Variants in PRMT2 observed in about 807,000 individuals in gnomAD.
PRMT2 encodes protein arginine N-methyltransferase 2.
PRMT2 carries 26 observed loss-of-function variants against 57.6 expected under a neutral mutation model. The observed-to-expected ratio is 0.45, with a 90% confidence interval of 0.33 to 0.63. The LOEUF is 0.63. PRMT2 is among the 20% of genes least tolerant of loss of function. The pLI is 0.02. For missense variants in PRMT2, 472 were observed against 564.4 expected, an observed-to-expected ratio of 0.84 and a Z score of 1.66; for synonymous variants, 219 against 220.0, an observed-to-expected ratio of 1.00 and a Z score of 0.04.
chr21:46,654,913 C>T (rs1351236075), intron 7 of PRMT2: 1 of 984,384 alleles, frequency 1.0e-6, no homozygotes, highest in African/African-American at 1.7e-5. Flanking sequence ...TCTTCTCCCT[C>T]TATGTATGTA....
chr21:46,659,137 A>C, intron 8 of PRMT2: 1 of 1,273,722 alleles, frequency 7.9e-7, no homozygotes, highest in Non-Finnish European at 9.9e-7. Flanking sequence ...GCAAGGAACA[A>C]AAATTTTCGT....
chr21:46,654,970 A>G (rs1213345569), intron 7 of PRMT2: 4 of 966,328 alleles, frequency 4.1e-6, no homozygotes, highest in African/African-American at 3.5e-5. Flanking sequence ...GGTCCATGAA[A>G]TGGACCAATT....
intron 7 of PRMT2, chr21:46,653,227 A>G: frequency 1.0e-6 from 1 of 985,404 alleles, no homozygotes; most frequent in Non-Finnish European, 1.2e-6. Flanking sequence ...TTCTCTTCAC[A>G]CAGCCTTGTA....
intron 11 of PRMT2, 81 bp from the exon 12 acceptor site, chr21:46,664,213 CA>C: frequency 1.6e-6 from 2 of 1,244,272 alleles, no homozygotes; most frequent in Non-Finnish European, 2.4e-6. Context: ...TTCTCTTGTC[CA>C]ATATTAAACC....
At chr21:46,640,595 C>T (rs1014728372) in intron 3 of PRMT2, among the ~76,000 whole-genome samples, 7 of 151,946 alleles carry the variant, frequency 4.6e-5, no homozygotes, top group African/African-American at 1.7e-4. Flanking sequence ...GTGACCACCA[C>T]CACGCCCGGC....
Position 46,664,639 on chromosome 21 carries a change from C to A in PRMT2, c.*312C>A. 3 of 469,896 alleles carry A rather than the reference C, an allele frequency of 6.4e-6. No homozygotes were observed. The South Asian group carries it at 7.0e-5, about 11-fold the overall frequency. The allele number at this position is 469,896 out of a possible 1,614,324, so 29.1% of individuals were successfully genotyped here. ...TGGGTCGGAGCTCCATGTTCCTAAGCTAGGTCTAGGTCTACACTCCTAGGA... is the reference window on the plus strand; with the variant it reads ...TGGGTCGGAGCTCCATGTTCCTAAGATAGGTCTAGGTCTACACTCCTAGGA... On this transcript the variant is annotated 3_prime_UTR_variant, in exon 12 of 12. Transcript: ENST00000355680.
chr21:46,640,502 T>C (rs1052519644), intron 3 of PRMT2, among the ~76,000 whole-genome samples: 9 of 149,772 alleles, frequency 6.0e-5, no homozygotes, highest in Admixed American at 1.3e-4. Flanking sequence ...AGTGCAGTGA[T>C]GCGATCTCGG....
intron 5 of PRMT2, among the ~76,000 whole-genome samples, chr21:46,645,343 G>A (rs2061348067): frequency 4.2e-3 from 1 of 236 alleles, no homozygotes; most frequent in African/African-American, 0.022. Flanking sequence ...GCTCATGCCT[G>A]TAATCACAGG....
chr21:46,641,729 G>A (rs1216592570), intron 3 of PRMT2, among the ~76,000 whole-genome samples: 1 of 149,386 alleles, frequency 6.7e-6, no homozygotes, highest in African/African-American at 2.4e-5. Flanking sequence ...CTGTGTGTGT[G>A]TGTGTGTGTG....
intron 7 of PRMT2, chr21:46,651,850 G>T (rs552985315): frequency 4.3e-6 from 7 of 1,612,836 alleles, no homozygotes; most frequent in African/African-American, 1.3e-5. Context: ...GCACCTGTGC[G>T]TCTGGCCCTC....
chr21:46,652,307 C>T (rs757532924), intron 7 of PRMT2: 2 of 1,255,502 alleles, frequency 1.6e-6, no homozygotes, highest in Non-Finnish European at 2.0e-6. Flanking sequence ...AAATAAAATA[C>T]TTGACAAAAA....
chr21:46,656,223 C>T (rs887871225), intron 7 of PRMT2, among the ~76,000 whole-genome samples: 2 of 152,148 alleles, frequency 1.3e-5, no homozygotes, highest in Non-Finnish European at 1.5e-5. Flanking sequence ...GTGCCAGCTC[C>T]CCTTTGCTTT....
chr21:46,653,768 TCATA>T (rs961499126), intron 7 of PRMT2: 21 of 1,153,710 alleles, frequency 1.8e-5, no homozygotes, highest in Non-Finnish European at 2.2e-5. Flanking sequence ...AAAGCTTGCC[TCATA>T]CAAAGTACAG....
chr21:46,649,976 G>A lies in PRMT2; in HGVS notation c.654+237G>A. 1 of 1,431,460 alleles carries A rather than the reference G, an allele frequency of 7.0e-7. No individual in the cohort carries two copies. The highest frequency in any genetic ancestry group is 9.2e-7 in the Non-Finnish European group (1 of 1,090,070). 88.7% of individuals were successfully genotyped at this position (1,431,460 alleles called of 1,614,324 possible). A position where few individuals can be genotyped will look rare whatever the true frequency, so the allele number is the denominator to read the frequency against. Reference sequence around the variant, plus strand: ...CAAAGTTCATGTAACATTTTCATGAGTGATTTACATGAACTGTGTTCTCCT... The same window carrying A: ...CAAAGTTCATGTAACATTTTCATGAATGATTTACATGAACTGTGTTCTCCT... On this transcript the variant is annotated intron_variant, in intron 7 of 11. Transcript: ENST00000355680. The surrounding 1 kb of genome is among the most constrained non-coding windows in gnomAD (Gnocchi z 4.8).
chr21:46,659,140 AT>A (rs2061583470), intron 8 of PRMT2: 10 of 1,267,346 alleles, frequency 7.9e-6, no homozygotes, highest in Non-Finnish European at 9.9e-6. Context: ...AGGAACAAAA[AT>A]TTTCGTATGT....
At chr21:46,661,119 T>C (rs1189545109) in intron 9 of PRMT2, 157 bp downstream of exon 9, 1 of 745,928 alleles carries the variant, frequency 1.3e-6, no homozygotes. Flanking sequence ...ATAAAACGTT[T>C]GCTACTGATT....
chr21:46,649,979 A>T lies in PRMT2; in HGVS notation c.654+240A>T. 7.0e-7 allele frequency: 1 copy of T among 1,429,134 alleles called. No homozygotes were observed. Among genetic ancestry groups the T allele is most frequent in the Non-Finnish European group, 9.2e-7 (1 of 1,088,702 alleles). 88.5% of individuals were successfully genotyped at this position (1,429,134 alleles called of 1,614,324 possible). The stretch of plus-strand genomic sequence containing the variant: ...AGTTCATGTAACATTTTCATGAGTG[A>T]TTTACATGAACTGTGTTCTCCTCGG... On this transcript the variant is annotated intron_variant, in intron 7 of 11. Transcript: ENST00000355680. The surrounding 1 kb of genome is among the most constrained non-coding windows in gnomAD (Gnocchi z 4.8).
intron 7 of PRMT2, 97 bp from the exon 8 acceptor site, chr21:46,658,648 A>G (rs2061573784): frequency 3.2e-6 from 5 of 1,549,038 alleles, no homozygotes; most frequent in East Asian, 2.3e-5. Context: ...CTAAAACTGT[A>G]GAACTGTCAG....
chr21:46,638,003 C>T (rs1049069799), intron 3 of PRMT2, among the ~76,000 whole-genome samples: 12 of 152,136 alleles, frequency 7.9e-5, no homozygotes, highest in African/African-American at 2.9e-4. Flanking sequence ...AAAGTTTGTT[C>T]CCCAGTCTCA....
Sources: gnomAD v4.1 joint callset for allele counts (sites outside exome capture counted in the v4.1 genomes callset) on GRCh38, gnomAD v4.1.1 for gene constraint, Gnocchi (gnomAD v3.1) non-coding constraint, MANE v1.5 for transcripts, NCBI Gene and HGNC (gene_info 2026-07-23, HGNC 2026-07-21) for gene names.